The following PRR5L variants were observed in gnomAD, a reference collection of about 807,000 sequenced individuals.
The protein encoded by PRR5L is proline-rich protein 5-like.
A neutral mutation model predicts 36.4 loss-of-function variants in PRR5L; 21 were observed. The ratio of observed to expected loss-of-function variants is 0.58; its 90% CI spans 0.41 to 0.83. The LOEUF (loss-of-function observed/expected upper bound fraction) is 0.83. Among genes scored for constraint, PRR5L ranks in the 40% least tolerant of loss-of-function variants. The probability of loss-of-function intolerance (pLI) is 0.00; values close to 1 mark genes in which losing one functional copy is unlikely to be tolerated. For synonymous variants in PRR5L, 188 were observed against 197.0 expected, an observed-to-expected ratio of 0.95 and a Z score of 0.38; for missense variants, 381 against 473.3, an observed-to-expected ratio of 0.80 and a Z score of 1.81.
intron 2 of PRR5L, 114 bp downstream of exon 2, chr11:36,401,399 G>T: frequency 2.0e-6 from 2 of 1,010,104 alleles, no homozygotes; most frequent in Non-Finnish European, 2.9e-6. Context: ...TGATTATGGG[G>T]GTAAATAATG....
At chr11:36,317,508 C>T (rs1436310763) in intron 1 of PRR5L, among the ~76,000 whole-genome samples, 2 of 152,140 alleles carry the variant, frequency 1.3e-5, no homozygotes, top group Non-Finnish European at 2.9e-5. Context: ...GGAGATTTGT[C>T]GCTTTTCCTA....
chr11:36,402,379 G>T (rs1337100336), intron 2 of PRR5L, among the ~76,000 whole-genome samples: 1 of 152,148 alleles, frequency 6.6e-6, no homozygotes, highest in Non-Finnish European at 1.5e-5. Flanking sequence ...AAGTAGCTGG[G>T]TTTACAAGTG....
intron 1 of PRR5L, among the ~76,000 whole-genome samples, chr11:36,373,598 TAAAAAAA>T (rs560773054): frequency 1.5e-5 from 2 of 136,464 alleles, no homozygotes; most frequent in Admixed American, 7.4e-5. Context: ...GACTCTGTTT[TAAAAAAA>T]AAAAAAAAAG....
intron 1 of PRR5L, among the ~76,000 whole-genome samples, chr11:36,331,736 T>C (rs1856721228): frequency 6.6e-6 from 1 of 152,190 alleles, no homozygotes; most frequent in African/African-American, 2.4e-5. Context: ...AATTAAACTG[T>C]GAGCTAAGCT....
chr11:36,411,592 G>A (rs1858028749), intron 3 of PRR5L, among the ~76,000 whole-genome samples: 2 of 152,214 alleles, frequency 1.3e-5, no homozygotes, highest in Middle Eastern at 3.4e-3. Flanking sequence ...TTCTAGCTCA[G>A]TGGCTTGTGG....
At position 36,462,708 on chromosome 11, in the gene PRR5L, C is replaced by A; in HGVS notation, c.1079C>A (p.Ser360Ter). 1 of 1,582,074 alleles carries A rather than the reference C, an allele frequency of 6.3e-7. No individual in the cohort carries two copies. The highest frequency in any genetic ancestry group is 8.6e-7 in the Non-Finnish European group (1 of 1,164,456). The change falls in exon 9 of 9, where the codon TCG becomes TAG. Residue 360 changes from serine to a stop codon, truncating the protein, a stop_gained. Transcript: ENST00000530639. LOFTEE classifies it high-confidence loss of function. ...EEGARGSQEG[S>*]ELNCASLS ...GGGGCCAGGGGCAGCCAGGAGGGCT[C>A]GGAGCTGAACTGTGCTTCCCTCAGC...
At chr11:36,410,890 C>T (rs1185293947) in intron 3 of PRR5L, among the ~76,000 whole-genome samples, 2 of 152,236 alleles carry the variant, frequency 1.3e-5, no homozygotes, top group Non-Finnish European at 2.9e-5. Context: ...TGACCAGCTA[C>T]AGCACTGGGC....
At position 36,462,629 on chromosome 11, in the gene PRR5L, C is replaced by G; in HGVS notation, c.1000C>G (p.Arg334Gly). Residue 334 changes from arginine to glycine, a missense_variant, in exon 9 of 9, where the codon CGG (arginine) becomes GGG (glycine). Arg to Gly is a moderately radical substitution (Grantham distance 125, BLOSUM62 -2). Transcript: ENST00000530639. ...LLPPSFPPPH[R>G]QCSSEPNITD... The stretch of plus-strand genomic sequence containing the variant: ...GCCACCCAGCTTCCCCCCGCCCCAC[C>G]GGCAGTGCTCCAGTGAGCCCAACAT... 6.2e-7 allele frequency: 1 copy of G among 1,612,394 alleles called. No individual in the cohort carries two copies. The highest frequency in any genetic ancestry group is 8.5e-7 in the Non-Finnish European group (1 of 1,179,900).
At chr11:36,424,084 G>A (rs924832158) in intron 4 of PRR5L, among the ~76,000 whole-genome samples, 5 of 152,076 alleles carry the variant, frequency 3.3e-5, no homozygotes, top group South Asian at 2.1e-4. Context: ...ATGAGTCTCC[G>A]TGGAAAAAAA....
intron 3 of PRR5L, among the ~76,000 whole-genome samples, chr11:36,414,793 A>G (rs1028551435): frequency 2.0e-5 from 3 of 147,846 alleles, no homozygotes; most frequent in Admixed American, 2.0e-4. Context: ...GCCCATGCCT[A>G]TGTCCTGAAT....
intron 1 of PRR5L, chr11:36,362,012 C>T (rs1316134772): frequency 2.2e-5 from 3 of 136,272 alleles, no homozygotes; most frequent in Non-Finnish European, 4.7e-5. Flanking sequence ...TTACCAAGTT[C>T]AAAGTCGGGG....
chr11:36,329,443 T>TA (rs1308011208), intron 1 of PRR5L: 1 of 152,118 alleles, frequency 6.6e-6, no homozygotes, highest in Non-Finnish European at 1.5e-5. Flanking sequence ...TACATTGAGA[T>TA]AAAAACAGCT....
intron 3 of PRR5L, among the ~76,000 whole-genome samples, chr11:36,417,902 G>A (rs907490839): frequency 1.3e-5 from 2 of 152,126 alleles, no homozygotes; most frequent in African/African-American, 2.4e-5. Flanking sequence ...AATCATGAAG[G>A]GTTTACTCAC....
chr11:36,350,207 T>C (rs2592555), intron 1 of PRR5L: 29,405 of 109,708 alleles, frequency 0.27, 4,609 homozygotes, highest in East Asian at 0.68. Flanking sequence ...GGTGTGAGTG[T>C]GTGTGGGGTG....
At chr11:36,432,273 T>G (rs969067397) in intron 5 of PRR5L, among the ~76,000 whole-genome samples, 1 of 152,210 alleles carries the variant, frequency 6.6e-6, no homozygotes, top group African/African-American at 2.4e-5. Flanking sequence ...TCCTCTGGTC[T>G]GTCCCGAGCT....
Position 36,392,159 on chromosome 11 carries a change from A to G in PRR5L, c.-125-8838A>G, listed in dbSNP as rs947807817. Among the ~76,000 whole-genome samples, 5 of 152,168 alleles carry G rather than the reference A, an allele frequency of 3.3e-5. No homozygotes were observed. In the East Asian group the frequency reaches 9.6e-4, roughly 29 times the overall value. ...AAATGACAGGATCTCATTCTTTTTT[A>G]TGGATGAAGAGTACTCCATTATGTA... On this transcript the variant is annotated intron_variant, in intron 1 of 8. Transcript: ENST00000530639.
At chr11:36,356,873 C>T (rs1359271931) in intron 1 of PRR5L, among the ~76,000 whole-genome samples, 4 of 152,092 alleles carry the variant, frequency 2.6e-5, no homozygotes, top group African/African-American at 7.2e-5. Context: ...CCACAATGAC[C>T]TCTAAGTGTT....
At chr11:36,361,927 T>C (rs549205970) in intron 1 of PRR5L, among the ~76,000 whole-genome samples, 7 of 152,238 alleles carry the variant, frequency 4.6e-5, no homozygotes, top group Middle Eastern at 3.4e-3. Flanking sequence ...GATTCCAGCA[T>C]GAGGCACAGT....
chr11:36,446,576 C>T (rs970638763), intron 7 of PRR5L, 136 bp downstream of exon 7: 12 of 1,027,736 alleles, frequency 1.2e-5, no homozygotes, highest in Admixed American at 7.4e-5. Context: ...TTTGTTGGCC[C>T]GTGTTCATTC....
Sources: gnomAD v4.1 joint callset for allele counts (sites outside exome capture counted in the v4.1 genomes callset) on GRCh38, gnomAD v4.1.1 for gene constraint, MANE v1.5 for transcripts, NCBI Gene and HGNC (gene_info 2026-07-23, HGNC 2026-07-21) for gene names.